The following LITAF variants were observed in gnomAD, a reference collection of about 807,000 sequenced individuals.
The protein encoded by LITAF is lipopolysaccharide-induced tumor necrosis factor-alpha factor.
Under a neutral mutation model 14.5 loss-of-function variants are expected in LITAF, and 9 were observed. That is an observed-to-expected ratio of 0.62 (90% CI 0.37 to 1.08). The LOEUF is 1.08. Among genes scored for constraint, LITAF ranks in the 50% least tolerant of loss-of-function variants. The pLI is 0.01. For missense variants in LITAF, 206 were observed against 213.4 expected, an observed-to-expected ratio of 0.97 and a Z score of 0.22; for synonymous variants, 98 against 88.2, an observed-to-expected ratio of 1.11 and a Z score of -0.62.
intron 3 of LITAF, among the ~76,000 whole-genome samples, chr16:11,611,586 A>T (rs1483186710): frequency 6.6e-6 from 1 of 152,188 alleles, no homozygotes; most frequent in East Asian, 1.9e-4. Context: ...AATGGCTACT[A>T]AATTGCAGCC....
chr16:11,585,857 C>A (rs2064797370), intron 1 of LITAF, among the ~76,000 whole-genome samples: 1 of 152,188 alleles, frequency 6.6e-6, no homozygotes, highest in Non-Finnish European at 1.5e-5. Flanking sequence ...TTCCCAGTGA[C>A]CACTGCTCAG....
upstream of LITAF, among the ~76,000 whole-genome samples, chr16:11,589,619 CTTTTTTTTTT>C (rs60950577): frequency 9.6e-6 from 1 of 103,922 alleles, no homozygotes; most frequent in Non-Finnish European, 1.9e-5. Context: ...AAATCAGTTG[CTTTTTTTTTT>C]TTTTTTTTTT....
chr16:11,600,945 G>C (rs1322872191), upstream of LITAF, among the ~76,000 whole-genome samples: 2 of 152,120 alleles, frequency 1.3e-5, no homozygotes, highest in African/African-American at 4.8e-5. The surrounding 1 kb of genome is among the most constrained non-coding windows in gnomAD (Gnocchi z 4.1). Context: ...AGGCAAACCG[G>C]GGCATGTCAG....
chr16:11,613,933 A>T (rs987621968), intron 3 of LITAF, among the ~76,000 whole-genome samples: 8 of 152,196 alleles, frequency 5.3e-5, no homozygotes, highest in African/African-American at 1.4e-4. Flanking sequence ...GACAGTTGAG[A>T]TCAACGCCTG....
rs537359497 is a variant in LITAF, at chr16:11,592,936, C to T, written c.-6+5452G>A. 4.6e-5 allele frequency among the ~76,000 whole-genome samples: 7 copies of T among 151,844 alleles called. 1 individual carries two copies. The Middle Eastern group carries it at 0.014, about 299-fold the overall frequency. On this transcript the variant is annotated intron_variant, in intron 1 of 3. Transcript: ENST00000571627. ...CTGTAATCCCAGCACTTTGGGAGGC[C>T]GAGGTGGGTTGATCACGAGGTCAGG...
upstream of LITAF, among the ~76,000 whole-genome samples, chr16:11,600,924 A>G (rs940727815): frequency 6.6e-6 from 1 of 152,100 alleles, no homozygotes; most frequent in Non-Finnish European, 1.5e-5. The surrounding 1 kb of genome is among the most constrained non-coding windows in gnomAD (Gnocchi z 4.1). Context: ...CATGGATACA[A>G]GCTATAATAC....
chr16:11,563,705 A>G (rs2064408496), intron 1 of LITAF, among the ~76,000 whole-genome samples: 1 of 152,094 alleles, frequency 6.6e-6, no homozygotes, highest in Non-Finnish European at 1.5e-5. Context: ...TAGAACGTTA[A>G]TGATCAGCCG....
chr16:11,597,393 G>C (rs1406898785), intron 1 of LITAF, among the ~76,000 whole-genome samples: 2 of 152,100 alleles, frequency 1.3e-5, no homozygotes, highest in African/African-American at 4.8e-5. Flanking sequence ...ATGAGTCATA[G>C]AATTATAGTC....
intron 3 of LITAF, among the ~76,000 whole-genome samples, chr16:11,615,897 G>A (rs2065016745): frequency 6.6e-6 from 1 of 152,080 alleles, no homozygotes; most frequent in African/African-American, 2.4e-5. Flanking sequence ...ATGCTTAGAG[G>A]GTTAGAAGGT....
At chr16:11,551,709 G>C (rs2064184465) in intron 3 of LITAF, 1 of 663,746 alleles carries the variant, frequency 1.5e-6, no homozygotes, top group African/African-American at 1.8e-5. Context: ...GCACACACCT[G>C]TGGTCCCAGG....
upstream of LITAF, chr16:11,587,330 C>T (rs2064819450): frequency 2.2e-6 from 1 of 450,390 alleles, no homozygotes; most frequent in African/African-American, 2.0e-5. Flanking sequence ...GGCGGCGGGA[C>T]CACCAACCTC....
At chr16:11,584,236 C>A (rs944158993) in intron 1 of LITAF, 2 of 152,154 alleles carry the variant, frequency 1.3e-5, no homozygotes, top group African/African-American at 4.8e-5. Flanking sequence ...GCTGTAAAAG[C>A]GAAAACAAAT....
chr16:11,563,281 T>C (rs2064401732), intron 1 of LITAF, among the ~76,000 whole-genome samples: 1 of 152,026 alleles, frequency 6.6e-6, no homozygotes, highest in African/African-American at 2.4e-5. Flanking sequence ...CCCGAGTAGC[T>C]GGGATGACAG....
intron 3 of LITAF, among the ~76,000 whole-genome samples, chr16:11,627,069 T>C (rs576051762): frequency 6.6e-6 from 1 of 152,216 alleles, no homozygotes; most frequent in African/African-American, 2.4e-5. Context: ...CGGCCTCTCT[T>C]ACCTTTGCTG....
At chr16:11,627,606 G>A (rs954060876) in intron 3 of LITAF, among the ~76,000 whole-genome samples, 3 of 152,248 alleles carry the variant, frequency 2.0e-5, no homozygotes, top group Admixed American at 6.5e-5. Context: ...CATTTTGGAA[G>A]GCCGAGGTGG....
chr16:11,582,924 T>C (rs2064760711), intron 1 of LITAF, among the ~76,000 whole-genome samples: 1 of 152,218 alleles, frequency 6.6e-6, no homozygotes, highest in South Asian at 2.1e-4. Context: ...GCTACAATAA[T>C]TCTGCAATAC....
chr16:11,550,109 G>GGTTTT (rs892678942), intron 3 of LITAF, among the ~76,000 whole-genome samples: 3 of 151,990 alleles, frequency 2.0e-5, no homozygotes, highest in African/African-American at 7.2e-5. Context: ...TTTAGTTTTT[G>GGTTTT]GTTTTGTTTT....
chr16:11,576,352 CCAG>C (rs2064633518), intron 1 of LITAF, among the ~76,000 whole-genome samples: 1 of 151,798 alleles, frequency 6.6e-6, no homozygotes, highest in Non-Finnish European at 1.5e-5. Context: ...GCCTGTAGTC[CCAG>C]TTACTCCAGA....
Position 11,613,049 on chromosome 16 carries a change from G to C in LITAF, c.85+20484C>G, listed in dbSNP as rs573376709. Among the ~76,000 whole-genome samples, 3 of 152,082 alleles carry C rather than the reference G, an allele frequency of 2.0e-5. No individual in the cohort carries two copies. In the East Asian group the frequency reaches 5.8e-4, roughly 29 times the overall value. ...GGATTTTTTTTTATTTGTTTTTTGG[G>C]GTTTGTTTTAGATGGAGTTTCGCTC... On this transcript the variant is annotated intron_variant, in intron 3 of 3. Coordinates refer to the LITAF transcript ENST00000574848.
Sources: allele counts gnomAD v4.1 joint callset (sites outside exome capture counted in the v4.1 genomes callset), GRCh38; gene constraint gnomAD v4.1.1; non-coding constraint Gnocchi (gnomAD v3.1); transcripts MANE v1.5; gene names NCBI Gene and HGNC (gene_info 2026-07-23, HGNC 2026-07-21).